The following ZBTB46 variants were observed in gnomAD, a reference collection of about 807,000 sequenced individuals.
The protein encoded by ZBTB46 is zinc finger and BTB domain-containing protein 46.
In ZBTB46, 8 loss-of-function variants were observed where a neutral mutation model predicts 44.1. That is an observed-to-expected ratio of 0.18 (90% CI 0.11 to 0.33). ZBTB46 has a LOEUF of 0.33. Ranked by LOEUF, ZBTB46 falls within the 10% of genes least tolerant of loss-of-function variation. The pLI, the probability that ZBTB46 is intolerant of heterozygous loss-of-function variation, is 1.00. For missense variants in ZBTB46, 651 were observed against 847.7 expected (o/e 0.77, Z 2.88); for synonymous variants, 409 against 382.3 (o/e 1.07, Z -0.81).
chr20:63,826,760 A>C (rs983703609), intron 1 of ZBTB46, among the ~76,000 whole-genome samples: 4 of 152,178 alleles, frequency 2.6e-5, no homozygotes, highest in Admixed American at 2.0e-4. Flanking sequence ...CTTTTCCAAA[A>C]AGACAGCGAG....
At chr20:63,831,283 A>AC (rs1427457249), upstream of ZBTB46, 13 of 123,392 alleles carry the variant, frequency 1.1e-4, no homozygotes, top group East Asian at 3.9e-3. Flanking sequence ...GCCCGCTCCA[A>AC]CCCCGCGGCC....
intron 3 of ZBTB46, among the ~76,000 whole-genome samples, chr20:63,763,215 T>C (rs1003820456): frequency 3.3e-5 from 5 of 152,238 alleles, no homozygotes; most frequent in African/African-American, 9.6e-5. Context: ...ATAATGTAAT[T>C]ATTGATGTGG....
chr20:63,774,502 G>A (rs1052770831), intron 3 of ZBTB46, among the ~76,000 whole-genome samples: 2 of 152,138 alleles, frequency 1.3e-5, no homozygotes, highest in East Asian at 1.9e-4. Context: ...GACCCCAGCC[G>A]CGGAGGTGGG....
chr20:63,799,697 AAAG>A (rs1252707699), intron 1 of ZBTB46, among the ~76,000 whole-genome samples: 2 of 152,172 alleles, frequency 1.3e-5, no homozygotes, highest in Non-Finnish European at 2.9e-5. Context: ...GACACATCAC[AAAG>A]AAGAAGCATC....
intron 1 of ZBTB46, among the ~76,000 whole-genome samples, chr20:63,808,717 G>A (rs1438825678): frequency 6.6e-6 from 1 of 152,146 alleles, no homozygotes; most frequent in Non-Finnish European, 1.5e-5. Context: ...GCTCACGCCT[G>A]TAATCCCAGC....
intron 1 of ZBTB46, among the ~76,000 whole-genome samples, chr20:63,821,607 T>A (rs1490872000): frequency 6.6e-6 from 1 of 152,042 alleles, no homozygotes; most frequent in Non-Finnish European, 1.5e-5. Flanking sequence ...GCACAGCTAA[T>A]TTTTTTGTGT....
intron 4 of ZBTB46, among the ~76,000 whole-genome samples, chr20:63,748,011 G>A (rs377432202): frequency 7.9e-5 from 12 of 152,230 alleles, no homozygotes; most frequent in East Asian, 5.8e-4. Flanking sequence ...GCTGCCAGCC[G>A]GGCAGGTGGG....
chr20:63,768,198 A>C (rs2145829724), intron 3 of ZBTB46: 1 of 855,136 alleles, frequency 1.2e-6, no homozygotes, highest in Non-Finnish European at 1.4e-6. Context: ...AACACCTGCC[A>C]CCAAAACTAT....
rs1440747661 is a variant in ZBTB46 at position 63,790,819 on chromosome 20, A to T, written c.-33-29T>A. On this transcript the variant is annotated intron_variant, in intron 1 of 4. Coordinates refer to ENST00000245663, the MANE Select transcript of ZBTB46 (RefSeq NM_001369741.1). Reference sequence around the variant, plus strand: ...TGGAGGTAAGAACAAGAGTTACCCAAGCTCAGCACAGACAGAGGCCGTGAG... The same window carrying T: ...TGGAGGTAAGAACAAGAGTTACCCATGCTCAGCACAGACAGAGGCCGTGAG... The T allele has an allele frequency of 2.7e-6, 4 of 1,497,608 alleles. No individual in the cohort carries two copies. The East Asian group carries it at 9.7e-5, about 36-fold the overall frequency. The allele number at this position is 1,497,608 out of a possible 1,614,324, so 92.8% of individuals were successfully genotyped here.
At chr20:63,813,546 C>T (rs1322787219) in intron 1 of ZBTB46, among the ~76,000 whole-genome samples, 1 of 152,204 alleles carries the variant, frequency 6.6e-6, no homozygotes. Flanking sequence ...CCTGCCACTG[C>T]CCTGCGCGGG....
intron 1 of ZBTB46, among the ~76,000 whole-genome samples, chr20:63,792,164 C>G (rs2092566368): frequency 6.6e-6 from 1 of 152,298 alleles, no homozygotes; most frequent in East Asian, 1.9e-4. Context: ...GACCCTGTTT[C>G]CAATAAGGTC....
intron 3 of ZBTB46, among the ~76,000 whole-genome samples, chr20:63,766,653 C>T (rs1455580857): frequency 6.6e-6 from 1 of 152,220 alleles, no homozygotes; most frequent in East Asian, 1.9e-4. Context: ...CTCTCCCGAC[C>T]CTCACAGATG....
chr20:63,830,345 G>A (rs909728791), intron 1 of ZBTB46, among the ~76,000 whole-genome samples: 7 of 151,992 alleles, frequency 4.6e-5, no homozygotes, highest in Non-Finnish European at 8.8e-5. Context: ...TATTTACAGA[G>A]AAACAAAGAC....
At chr20:63,783,537 T>A (rs1274714463) in intron 2 of ZBTB46, among the ~76,000 whole-genome samples, 1 of 152,212 alleles carries the variant, frequency 6.6e-6, no homozygotes, top group Non-Finnish European at 1.5e-5. Context: ...TGTTATTGTC[T>A]CTGTCCCCGT....
rs1472916702 is a variant in ZBTB46 at position 63,787,081 on chromosome 20, G to A, written c.937+2740C>T. ...GCATTTACCCGCAGGTGGGGTAGAGGCAAGAGGAAGGTACTGTATGACGGA... is the reference window on the plus strand; with the variant it reads ...GCATTTACCCGCAGGTGGGGTAGAGACAAGAGGAAGGTACTGTATGACGGA... On this transcript the variant is annotated intron_variant, in intron 2 of 4. Coordinates refer to ENST00000245663, the MANE Select transcript of ZBTB46 (RefSeq NM_001369741.1). The surrounding 1 kb of genome is among the most constrained non-coding windows in gnomAD (Gnocchi z 4.6). Among the ~76,000 whole-genome samples, 1 of 152,208 alleles carries A rather than the reference G, an allele frequency of 6.6e-6. No homozygotes were observed. The highest frequency in any genetic ancestry group is 2.4e-5 in the African/African-American group (1 of 41,466).
At chr20:63,760,623 A>T (rs2145799346) in intron 3 of ZBTB46, among the ~76,000 whole-genome samples, 1 of 151,464 alleles carries the variant, frequency 6.6e-6, no homozygotes, top group Non-Finnish European at 1.5e-5. Context: ...CACCTGGCTA[A>T]TTTTTTCTAT....
At chr20:63,779,032 G>C (rs908314875) in intron 2 of ZBTB46, among the ~76,000 whole-genome samples, 1 of 152,146 alleles carries the variant, frequency 6.6e-6, no homozygotes, top group Non-Finnish European at 1.5e-5. Context: ...TCTGGGAGCA[G>C]AGTGGGTGGT....
intron 2 of ZBTB46, among the ~76,000 whole-genome samples, chr20:63,782,207 C>CCCCGA: frequency 6.6e-6 from 1 of 152,012 alleles, no homozygotes; most frequent in Non-Finnish European, 1.5e-5. Context: ...ACCCCCGAGC[C>CCCCGA]GTGGTTTTGC....
intron 1 of ZBTB46, among the ~76,000 whole-genome samples, chr20:63,799,988 C>T (rs746996835): frequency 6.6e-6 from 1 of 152,190 alleles, no homozygotes; most frequent in Non-Finnish European, 1.5e-5. Flanking sequence ...CATGCGTGAA[C>T]GTTCACACCA....
Sources: gnomAD v4.1 joint callset for allele counts (sites outside exome capture counted in the v4.1 genomes callset) on GRCh38, gnomAD v4.1.1 for gene constraint, Gnocchi (gnomAD v3.1) non-coding constraint, MANE v1.5 for transcripts, NCBI Gene and HGNC (gene_info 2026-07-23, HGNC 2026-07-21) for gene names.